The following LYN variants were observed in gnomAD, a reference collection of about 807,000 sequenced individuals.
The protein encoded by LYN is LYN proto-oncogene, Src family tyrosine kinase, also known as tyrosine-protein kinase Lyn.
A neutral mutation model predicts 65.0 loss-of-function variants in LYN; 12 were observed. The ratio of observed to expected loss-of-function variants is 0.18; its 90% CI spans 0.12 to 0.30. LYN has a LOEUF of 0.30. Among genes scored for constraint, LYN ranks in the 10% least tolerant of loss-of-function variants. The probability of loss-of-function intolerance (pLI) is 1.00; values close to 1 mark genes in which losing one functional copy is unlikely to be tolerated. For synonymous variants in LYN, 222 were observed against 221.2 expected, an observed-to-expected ratio of 1.00 and a Z score of -0.03; for missense variants, 380 against 623.2, an observed-to-expected ratio of 0.61 and a Z score of 4.16.
chr8:55,879,879 G>T lies in LYN; in HGVS notation c.-230G>T. The T allele has an allele frequency of 5.3e-6, 1 of 188,882 alleles. No individual in the cohort carries two copies. Among genetic ancestry groups the T allele is most frequent in the South Asian group, 8.8e-5 (1 of 11,360 alleles). 11.7% of individuals were successfully genotyped at this position (188,882 alleles called of 1,614,324 possible). A position where few individuals can be genotyped will look rare whatever the true frequency, so the allele number is the denominator to read the frequency against. ...CGGGCCGCGCTGCCGCTCGCTCCCC[G>T]GCCGTGGCGCCTCCGGGCCAGACGC... On this transcript the variant is annotated 5_prime_UTR_variant, in exon 1 of 13. Coordinates refer to ENST00000519728, the MANE Select transcript of LYN (RefSeq NM_002350.4).
rs147376208 is a variant in LYN at position 55,952,093 on chromosome 8, C to T, written c.615C>T (p.Ser205=). 3.8e-5 allele frequency: 61 copies of T among 1,594,902 alleles called. 1 individual carries two copies. In the African/African-American group the frequency reaches 4.8e-4, roughly 12 times the overall value. ...CACGAATCACTTTTCCCTGTATCAG[C>T]GACATGATTAAACATTACCAAAGTA... is the stretch of plus-strand genomic sequence containing the variant. ...ISPRITFPCI[S]DMIKHYQKQA... is the part of the protein sequence containing the mutation. The change falls in exon 7 of 13, where the codon AGC becomes AGT. Residue 205 remains serine (S), a synonymous_variant. Coordinates refer to ENST00000519728, the MANE Select transcript of LYN (RefSeq NM_002350.4).
intron 1 of LYN, among the ~76,000 whole-genome samples, chr8:55,930,315 A>G (rs1806223464): frequency 6.6e-6 from 1 of 152,190 alleles, no homozygotes; most frequent in Admixed American, 6.5e-5. Context: ...TAATTTCATA[A>G]TAATTTCTAT....
chr8:56,002,195 G>C (rs912048088), intron 12 of LYN, among the ~76,000 whole-genome samples: 1 of 151,726 alleles, frequency 6.6e-6, no homozygotes, highest in South Asian at 2.1e-4. Context: ...CTTTGTGGGC[G>C]GATCACAAGG....
At chr8:55,946,542 A>G in intron 3 of LYN, 49 bp downstream of exon 3, 1 of 1,147,552 alleles carries the variant, frequency 8.7e-7, no homozygotes, top group East Asian at 2.3e-5. Context: ...TTACTATTAG[A>G]GCTTCTATAA....
At chr8:55,960,316 C>T (rs552764795) in intron 8 of LYN, among the ~76,000 whole-genome samples, 1 of 152,098 alleles carries the variant, frequency 6.6e-6, no homozygotes, top group South Asian at 2.1e-4. Flanking sequence ...GATCACCGTT[C>T]ATTTTTTAAT....
chr8:55,948,802 C>A (rs1432938962), intron 4 of LYN, among the ~76,000 whole-genome samples: 1 of 152,136 alleles, frequency 6.6e-6, no homozygotes, highest in East Asian at 1.9e-4. Context: ...AACTTTATAC[C>A]TTGGTTTCTT....
chr8:55,994,119 C>A (rs1342121989), intron 10 of LYN, among the ~76,000 whole-genome samples: 1 of 152,086 alleles, frequency 6.6e-6, no homozygotes, highest in Non-Finnish European at 1.5e-5. Flanking sequence ...AATAGACCAC[C>A]TTCAACAACA....
intron 10 of LYN, among the ~76,000 whole-genome samples, chr8:55,989,122 T>A (rs1808167181): frequency 6.6e-6 from 1 of 152,252 alleles, no homozygotes; most frequent in Non-Finnish European, 1.5e-5. Context: ...CCAGCAAGGC[T>A]GGTGATGGCT....
intron 1 of LYN, among the ~76,000 whole-genome samples, chr8:55,920,284 A>G (rs1196325806): frequency 6.6e-6 from 1 of 152,156 alleles, no homozygotes; most frequent in African/African-American, 2.4e-5. Flanking sequence ...GTGCTGTGAA[A>G]ATTACACCGC....
chr8:55,969,636 A>T (rs1807554456), intron 9 of LYN, 81 bp from the exon 10 acceptor site: 2 of 1,018,072 alleles, frequency 2.0e-6, no homozygotes, highest in Non-Finnish European at 3.1e-6. Flanking sequence ...TTCCCCTGTA[A>T]TAGTAATGAT....
intron 8 of LYN, among the ~76,000 whole-genome samples, chr8:55,961,106 T>G (rs962848386): frequency 2.6e-5 from 4 of 152,180 alleles, no homozygotes; most frequent in Admixed American, 1.3e-4. Flanking sequence ...CCAACTGCCT[T>G]GAGATTAATC....
At chr8:55,936,252 T>C (rs1228632742) in intron 1 of LYN, among the ~76,000 whole-genome samples, 1 of 152,216 alleles carries the variant, frequency 6.6e-6, no homozygotes, top group East Asian at 1.9e-4. Flanking sequence ...TTCCTTTCTC[T>C]TCCTCATGTC....
intron 1 of LYN, among the ~76,000 whole-genome samples, chr8:55,893,334 G>A (rs1805006449): frequency 6.6e-6 from 1 of 152,236 alleles, no homozygotes; most frequent in African/African-American, 2.4e-5. Flanking sequence ...TGATAAGGGT[G>A]GTTTCCACTG....
At chr8:55,899,075 A>C (rs1201300952) in intron 1 of LYN, among the ~76,000 whole-genome samples, 2 of 152,140 alleles carry the variant, frequency 1.3e-5, no homozygotes, top group African/African-American at 4.8e-5. Context: ...GTACCCAGCT[A>C]AGTTTCTTTC....
chr8:55,936,907 G>A (rs1806452643), intron 1 of LYN, among the ~76,000 whole-genome samples: 1 of 152,140 alleles, frequency 6.6e-6, no homozygotes, highest in Non-Finnish European at 1.5e-5. Context: ...GTTCATCTCT[G>A]GGTTTTACTT....
At chr8:55,909,054 C>CA (rs1554575812) in intron 1 of LYN, among the ~76,000 whole-genome samples, 2,160 of 94,322 alleles carry the variant, frequency 0.023, 188 homozygotes, top group African/African-American at 0.084. Flanking sequence ...CACACACACC[C>CA]CACATTTTCT....
intron 1 of LYN, among the ~76,000 whole-genome samples, chr8:55,913,828 T>C (rs1805708077): frequency 6.6e-6 from 1 of 152,132 alleles, no homozygotes; most frequent in South Asian, 2.1e-4. Flanking sequence ...TGGGTTATTC[T>C]GGGAAGCAAG....
intron 12 of LYN, among the ~76,000 whole-genome samples, chr8:56,009,311 G>A (rs1808753054): frequency 6.6e-6 from 1 of 152,090 alleles, no homozygotes; most frequent in Non-Finnish European, 1.5e-5. Flanking sequence ...AACAAATTTT[G>A]GCAAACTGAA....
chr8:55,926,003 T>C (rs186445493), intron 1 of LYN, among the ~76,000 whole-genome samples: 2 of 152,352 alleles, frequency 1.3e-5, no homozygotes, highest in South Asian at 2.1e-4. Flanking sequence ...TTTTATCTTG[T>C]TTTATAAAAA....
Sources: gnomAD v4.1 joint callset for allele counts (sites outside exome capture counted in the v4.1 genomes callset) on GRCh38, gnomAD v4.1.1 for gene constraint, MANE v1.5 for transcripts, NCBI Gene and HGNC (gene_info 2026-07-23, HGNC 2026-07-21) for gene names.